SEMA3A: variants seen among roughly 807,000 people sequenced by gnomAD.
The protein encoded by SEMA3A is semaphorin-3A.
SEMA3A carries 29 observed loss-of-function variants against 97.9 expected under a neutral mutation model. That is an observed-to-expected ratio of 0.30 (90% CI 0.22 to 0.40). The LOEUF (loss-of-function observed/expected upper bound fraction) is 0.40. Ranked by LOEUF, SEMA3A falls within the 10% of genes least tolerant of loss-of-function variation. The probability of loss-of-function intolerance (pLI) is 1.00; values close to 1 mark genes in which losing one functional copy is unlikely to be tolerated. For missense variants in SEMA3A, 763 were observed against 951.3 expected, an observed-to-expected ratio of 0.80 and a Z score of 2.60; for synonymous variants, 321 against 323.7, an observed-to-expected ratio of 0.99 and a Z score of 0.09.
intron 6 of SEMA3A, among the ~76,000 whole-genome samples, chr7:84,032,929 C>T (rs1308465799): frequency 1.3e-5 from 2 of 151,844 alleles, no homozygotes; most frequent in Non-Finnish European, 2.9e-5. Flanking sequence ...AAAGTTGTAA[C>T]ATAAGATGTA....
chr7:84,165,164 G>A (rs989037623), intron 1 of SEMA3A, among the ~76,000 whole-genome samples: 6 of 152,002 alleles, frequency 3.9e-5, no homozygotes, highest in Non-Finnish European at 4.4e-5. Context: ...CCGTGATAGC[G>A]CCATTGCACT....
At chr7:84,181,577 A>C (rs2116237735) in intron 1 of SEMA3A, among the ~76,000 whole-genome samples, 1 of 152,260 alleles carries the variant, frequency 6.6e-6, no homozygotes, top group Non-Finnish European at 1.5e-5. Flanking sequence ...GTATCCTAAA[A>C]ATAATGTAAC....
chr7:84,389,988 C>A (rs759498321), intron 1 of SEMA3A, among the ~76,000 whole-genome samples: 3 of 152,086 alleles, frequency 2.0e-5, no homozygotes, highest in Non-Finnish European at 2.9e-5. Flanking sequence ...ATTGCCTATG[C>A]AAGCTTAGTT....
At chr7:84,152,134 C>A (rs1211139094) in intron 1 of SEMA3A, among the ~76,000 whole-genome samples, 1 of 151,462 alleles carries the variant, frequency 6.6e-6, no homozygotes, top group Admixed American at 6.6e-5. Context: ...GTCAGTGTGG[C>A]GATTCCTCAG....
intron 2 of SEMA3A, among the ~76,000 whole-genome samples, chr7:84,313,346 A>ATGTGTGTG (rs372160973): frequency 2.4e-4 from 8 of 33,230 alleles, no homozygotes; most frequent in African/African-American, 6.3e-4. Flanking sequence ...ATATATGTAT[A>ATGTGTGTG]TGTGTGTGTG....
intron 15 of SEMA3A, among the ~76,000 whole-genome samples, chr7:83,970,584 C>T (rs1788873675): frequency 6.6e-6 from 1 of 152,118 alleles, no homozygotes; most frequent in African/African-American, 2.4e-5. Context: ...CATATTCATT[C>T]AATTTTGATT....
intron 1 of SEMA3A, among the ~76,000 whole-genome samples, chr7:84,158,648 T>A (rs1310870024): frequency 6.6e-6 from 1 of 152,162 alleles, no homozygotes; most frequent in Non-Finnish European, 1.5e-5. Context: ...TAGTGCCATG[T>A]ATGTTTGTGC....
In SEMA3A at chr7:84,007,460, T is replaced by C. The variant is rs1184272644; in HGVS notation, c.1033A>G (p.Met345Val). 6.2e-6 allele frequency: 10 copies of C among 1,603,334 alleles called. No individual in the cohort carries two copies. Among genetic ancestry groups the C allele is most frequent in the Non-Finnish European group, 8.5e-6 (10 of 1,174,772 alleles). The part of the protein sequence containing the change: ...FKGSAVCMYS[M>V]SDVRRVFLGP... ...AGGAACACCCTTCTCACATCACTCA[T>C]GCTATACATACACACGGCTGATCCC... The change falls in exon 10 of 17, where the codon ATG becomes GTG. Residue 345 changes from methionine to valine, a missense_variant. Transcript: ENST00000265362.
intron 3 of SEMA3A, among the ~76,000 whole-genome samples, chr7:84,305,577 G>T (rs1020044768): frequency 5.3e-5 from 8 of 151,928 alleles, no homozygotes; most frequent in African/African-American, 1.7e-4. Flanking sequence ...TTTTATAAAT[G>T]AATTTTTAAG....
At position 84,442,251 on chromosome 7, in the gene SEMA3A, T is replaced by G. The variant is rs966202694; in HGVS notation, c.-246+50209A>C. Among the ~76,000 whole-genome samples the G allele has an allele frequency of 3.9e-5, 6 of 152,158 alleles. No individual in the cohort carries two copies. The South Asian group carries it at 1.2e-3, about 32-fold the overall frequency. On this transcript the variant is annotated intron_variant, in intron 1 of 3. Transcript: ENST00000424555. ...AATTTTGTTTTCTACCTGAGACTAG[T>G]ATATTATAAAATTATTAGTTTCAGT... is the stretch of plus-strand genomic sequence containing the variant.
chr7:84,062,657 CA>C (rs1384073829), intron 4 of SEMA3A, among the ~76,000 whole-genome samples: 1 of 152,200 alleles, frequency 6.6e-6, no homozygotes, highest in Non-Finnish European at 1.5e-5. Flanking sequence ...AAAGGGGTGA[CA>C]GACGGCACCT....
intron 1 of SEMA3A, among the ~76,000 whole-genome samples, chr7:84,462,123 C>T (rs572555109): frequency 2.0e-5 from 3 of 152,106 alleles, no homozygotes; most frequent in African/African-American, 7.2e-5. Flanking sequence ...AAGACTACCA[C>T]CTTAACATTT....
chr7:84,014,128 T>C (rs1227962887), intron 7 of SEMA3A, 81 bp downstream of exon 7: 1 of 1,181,046 alleles, frequency 8.5e-7, no homozygotes, highest in Non-Finnish European at 1.2e-6. Flanking sequence ...TTATTGTATA[T>C]GCACACAGGT....
At chr7:84,422,794 G>A (rs1317148423) in intron 1 of SEMA3A, among the ~76,000 whole-genome samples, 1 of 151,952 alleles carries the variant, frequency 6.6e-6, no homozygotes, top group East Asian at 1.9e-4. Flanking sequence ...TTCAGGAGCA[G>A]GTTGTTCAGT....
chr7:84,318,953 G>A (rs919281811), intron 2 of SEMA3A, among the ~76,000 whole-genome samples: 1 of 152,146 alleles, frequency 6.6e-6, no homozygotes, highest in Non-Finnish European at 1.5e-5. Context: ...ATGTTGATTA[G>A]TTTAGCAATT....
chr7:84,323,789 A>C (rs926879801), intron 2 of SEMA3A, among the ~76,000 whole-genome samples: 1 of 152,142 alleles, frequency 6.6e-6, no homozygotes, highest in African/African-American at 2.4e-5. Context: ...CAGGCTAAGA[A>C]TTTTATTTTT....
At chr7:84,461,317 G>A (rs1562955290) in intron 1 of SEMA3A, among the ~76,000 whole-genome samples, 1 of 152,138 alleles carries the variant, frequency 6.6e-6, no homozygotes, top group East Asian at 1.9e-4. Flanking sequence ...GGCCTGCTGT[G>A]TCCCTCCAGG....
intron 1 of SEMA3A, among the ~76,000 whole-genome samples, chr7:84,423,620 T>C (rs950025213): frequency 1.3e-5 from 2 of 152,098 alleles, no homozygotes; most frequent in African/African-American, 4.8e-5. Flanking sequence ...TAAACCTATA[T>C]CTATCTATAT....
At chr7:83,996,492 G>A (rs567392301) in intron 12 of SEMA3A, among the ~76,000 whole-genome samples, 55 of 151,874 alleles carry the variant, frequency 3.6e-4, no homozygotes, top group African/African-American at 1.3e-3. Flanking sequence ...TAGTAGAGAC[G>A]GGGTTTCATT....
Sources: gnomAD v4.1 joint callset for allele counts (sites outside exome capture counted in the v4.1 genomes callset) on GRCh38, gnomAD v4.1.1 for gene constraint, MANE v1.5 for transcripts, NCBI Gene and HGNC (gene_info 2026-07-23, HGNC 2026-07-21) for gene names.